Variants in ASIC2 observed in about 807,000 individuals in gnomAD.
ASIC2 encodes the protein acid sensing ion channel subunit 2.
In ASIC2, 25 loss-of-function variants were observed where a neutral mutation model predicts 57.3. The observed-to-expected ratio is 0.44, with a 90% CI of 0.32 to 0.61. The LOEUF is 0.61. Among genes scored for constraint, ASIC2 ranks in the 20% least tolerant of loss-of-function variants. ASIC2 has a pLI of 0.06. For synonymous variants in ASIC2, 319 were observed against 307.5 expected (o/e 1.04, Z -0.39); for missense variants, 641 against 738.1 (o/e 0.87, Z 1.52).
At chr17:33,654,221 G>A (rs915662036) in intron 1 of ASIC2, among the ~76,000 whole-genome samples, 4 of 152,194 alleles carry the variant, frequency 2.6e-5, no homozygotes, top group Admixed American at 2.6e-4. Context: ...AATCCCTGAA[G>A]GAAAGTGAGC....
intron 1 of ASIC2, among the ~76,000 whole-genome samples, chr17:33,200,002 T>A (rs1318686699): frequency 6.6e-6 from 1 of 152,124 alleles, no homozygotes; most frequent in African/African-American, 2.4e-5. Flanking sequence ...TCCAGTCCCA[T>A]GCTCTGTCCC....
At chr17:33,553,598 A>G (rs1194537631) in intron 1 of ASIC2, among the ~76,000 whole-genome samples, 1 of 152,096 alleles carries the variant, frequency 6.6e-6, no homozygotes, top group East Asian at 1.9e-4. Flanking sequence ...AGCCTCCCCA[A>G]GTAGCTGAGA....
intron 1 of ASIC2, among the ~76,000 whole-genome samples, chr17:33,873,371 G>T (rs1402766609): frequency 6.6e-6 from 1 of 152,200 alleles, no homozygotes; most frequent in Non-Finnish European, 1.5e-5. Flanking sequence ...CTGGAGGAAA[G>T]CCTACTTAAG....
At chr17:33,401,383 A>T (rs1243493105) in intron 1 of ASIC2, among the ~76,000 whole-genome samples, 1 of 151,964 alleles carries the variant, frequency 6.6e-6, no homozygotes, top group Non-Finnish European at 1.5e-5. Context: ...TTGCCATTGT[A>T]GTGTTAACCT....
At chr17:33,386,772 T>C (rs1285978366) in intron 1 of ASIC2, among the ~76,000 whole-genome samples, 2 of 151,958 alleles carry the variant, frequency 1.3e-5, no homozygotes, top group African/African-American at 4.8e-5. Context: ...CTCGGCCTCA[T>C]TTAGTGTCAT....
At chr17:34,039,750 G>A (rs748460372) in intron 1 of ASIC2, 23 of 1,611,952 alleles carry the variant, frequency 1.4e-5, no homozygotes, top group Non-Finnish European at 1.9e-5. Context: ...AGGATCCGAC[G>A]CTGCACAAGC....
At chr17:33,365,838 T>C (rs556155095) in intron 1 of ASIC2, among the ~76,000 whole-genome samples, 1 of 152,312 alleles carries the variant, frequency 6.6e-6, no homozygotes, top group South Asian at 2.1e-4. Flanking sequence ...GAAAAAAGTC[T>C]ATTTATTTAA....
At chr17:33,717,759 T>C (rs9913681) in intron 1 of ASIC2, among the ~76,000 whole-genome samples, 46 of 152,072 alleles carry the variant, frequency 3.0e-4, no homozygotes, top group African/African-American at 9.6e-4. Flanking sequence ...TCCCTGTAAC[T>C]CAGGGGCCTC....
intron 6 of ASIC2, 30 bp from the exon 7 acceptor site, chr17:33,021,340 G>A (rs756355689): frequency 2.7e-5 from 41 of 1,519,482 alleles, no homozygotes; most frequent in Non-Finnish European, 3.6e-5. Context: ...TACCATACAT[G>A]GTTAGAGCTA....
chr17:33,377,290 A>T (rs1909314760), intron 1 of ASIC2, among the ~76,000 whole-genome samples: 1 of 152,192 alleles, frequency 6.6e-6, no homozygotes, highest in African/African-American at 2.4e-5. Context: ...ACCTCAAGGG[A>T]TCCACCTGCC....
At chr17:34,021,638 A>G (rs185017275) in intron 1 of ASIC2, among the ~76,000 whole-genome samples, 284 of 152,154 alleles carry the variant, frequency 1.9e-3, no homozygotes, top group African/African-American at 6.6e-3. Context: ...TCCTCTAAAC[A>G]TGGATCAGAT....
intron 1 of ASIC2, among the ~76,000 whole-genome samples, chr17:34,033,626 TAAA>T (rs1907726115): frequency 6.6e-6 from 1 of 151,882 alleles, no homozygotes; most frequent in African/African-American, 2.4e-5. Flanking sequence ...GCAAGACTAA[TAAA>T]GAAGAAAAGA....
At chr17:33,370,079 T>C (rs1426490553) in intron 1 of ASIC2, among the ~76,000 whole-genome samples, 1 of 152,128 alleles carries the variant, frequency 6.6e-6, no homozygotes, top group Non-Finnish European at 1.5e-5. Flanking sequence ...CTATTTCCAG[T>C]GCCTGCTGAT....
At chr17:33,411,106 C>T (rs1910643457) in intron 1 of ASIC2, among the ~76,000 whole-genome samples, 1 of 152,140 alleles carries the variant, frequency 6.6e-6, no homozygotes, top group Non-Finnish European at 1.5e-5. Context: ...AATGAATGGC[C>T]ATGATGCATG....
At chr17:33,071,954 T>C (rs932661609) in intron 3 of ASIC2, among the ~76,000 whole-genome samples, 10 of 152,184 alleles carry the variant, frequency 6.6e-5, no homozygotes, top group Non-Finnish European at 1.2e-4. Flanking sequence ...CAAATCATTC[T>C]TTCTCTGGTT....
At chr17:33,037,389 CTTTTTTT>C (rs35286664) in intron 3 of ASIC2, among the ~76,000 whole-genome samples, 6 of 123,832 alleles carry the variant, frequency 4.8e-5, no homozygotes, top group East Asian at 2.4e-4. Context: ...ACTTCCCCCT[CTTTTTTT>C]TTTTTTTTTT....
intron 1 of ASIC2, among the ~76,000 whole-genome samples, chr17:33,718,692 C>T (rs141103960): frequency 2.2e-4 from 33 of 152,248 alleles, no homozygotes; most frequent in African/African-American, 7.9e-4. Context: ...AGCCTTGGGA[C>T]TCCTGTTCTA....
chr17:33,978,290 T>G (rs534854411), intron 1 of ASIC2, among the ~76,000 whole-genome samples: 159 of 152,296 alleles, frequency 1.0e-3, no homozygotes, highest in Non-Finnish European at 1.6e-3. Context: ...AGGAGCTATT[T>G]GCATGCCAGC....
chr17:33,430,430 G>A (rs553273880), intron 1 of ASIC2, among the ~76,000 whole-genome samples: 12 of 152,272 alleles, frequency 7.9e-5, no homozygotes, highest in East Asian at 1.9e-4. Context: ...GGAATACAGC[G>A]TTAAAAACTG....
Sources: allele counts gnomAD v4.1 joint callset (sites outside exome capture counted in the v4.1 genomes callset), GRCh38; gene constraint gnomAD v4.1.1; transcripts MANE v1.5; gene names NCBI Gene and HGNC (gene_info 2026-07-23, HGNC 2026-07-21).